Variants in RABGAP1L observed in about 807,000 individuals in gnomAD.
RABGAP1L encodes the protein RAB GTPase activating protein 1 like.
A neutral mutation model predicts 137.7 loss-of-function variants in RABGAP1L; 63 were observed. The ratio of observed to expected loss-of-function variants is 0.46; its 90% CI spans 0.37 to 0.56. The LOEUF (loss-of-function observed/expected upper bound fraction) is 0.56. RABGAP1L is among the 20% of genes least tolerant of loss of function. The pLI, the probability that RABGAP1L is intolerant of heterozygous loss-of-function variation, is 0.00. For synonymous variants in RABGAP1L, 431 were observed against 433.7 expected (o/e 0.99, Z 0.08); for missense variants, 1,095 against 1,244.0 (o/e 0.88, Z 1.80).
intron 14 of RABGAP1L, among the ~76,000 whole-genome samples, chr1:174,639,522 G>T (rs549841701): frequency 2.0e-5 from 3 of 152,152 alleles, no homozygotes; most frequent in South Asian, 2.1e-4. Flanking sequence ...ATTTAAGAGG[G>T]TCTGGTTTAT....
intron 13 of RABGAP1L, among the ~76,000 whole-genome samples, chr1:174,409,617 G>A (rs749907001): frequency 1.3e-5 from 2 of 152,164 alleles, no homozygotes; most frequent in Non-Finnish European, 2.9e-5. Flanking sequence ...AAATGGATGT[G>A]CAAGTAGGGA....
intron 13 of RABGAP1L, among the ~76,000 whole-genome samples, chr1:174,531,211 A>G (rs1448711469): frequency 1.5e-5 from 2 of 137,468 alleles, no homozygotes; most frequent in African/African-American, 6.5e-5. Flanking sequence ...CAGGTTAGTT[A>G]TAACACAGGA....
chr1:174,479,672 CT>C (rs1204167652), intron 13 of RABGAP1L, among the ~76,000 whole-genome samples: 5 of 152,132 alleles, frequency 3.3e-5, no homozygotes, highest in Non-Finnish European at 7.4e-5. Context: ...GCATGCTTTT[CT>C]TTTCTATTCC....
chr1:174,686,849 C>T (rs1678510801), intron 15 of RABGAP1L, among the ~76,000 whole-genome samples: 1 of 151,004 alleles, frequency 6.6e-6, no homozygotes, highest in Non-Finnish European at 1.5e-5. Flanking sequence ...TCAGTAGAGA[C>T]AGAGTTTCAC....
chr1:174,349,138 C>T (rs1682775939), intron 11 of RABGAP1L, among the ~76,000 whole-genome samples: 1 of 130,106 alleles, frequency 7.7e-6, no homozygotes, highest in Admixed American at 7.4e-5. Flanking sequence ...GGGCGGCTGG[C>T]CGGGCAGAGG....
chr1:174,773,408 A>T lies in RABGAP1L; in HGVS notation c.2211+21054A>T, dbSNP rs1686281095. 2.6e-5 allele frequency among the ~76,000 whole-genome samples: 4 copies of T among 152,132 alleles called. No individual in the cohort carries two copies. In the South Asian group the frequency reaches 8.3e-4, roughly 32 times the overall value. On this transcript the variant is annotated intron_variant, in intron 18 of 25. Coordinates refer to ENST00000681986, the MANE Select transcript of RABGAP1L (RefSeq NM_001366446.1). ...AAATAAAAGCCAGGTGGCTCTCACTAAAAATTCCATGCCTTTTTACGTTAT... is the reference window on the plus strand; with the variant it reads ...AAATAAAAGCCAGGTGGCTCTCACTTAAAATTCCATGCCTTTTTACGTTAT...
At chr1:174,966,653 C>T (rs1012749213) in intron 20 of RABGAP1L, among the ~76,000 whole-genome samples, 5 of 152,116 alleles carry the variant, frequency 3.3e-5, no homozygotes, top group African/African-American at 9.7e-5. Flanking sequence ...ATTTATTATG[C>T]TTCTGTGGGA....
intron 13 of RABGAP1L, among the ~76,000 whole-genome samples, chr1:174,604,643 A>G (rs1337856455): frequency 6.6e-6 from 1 of 152,152 alleles, no homozygotes; most frequent in Non-Finnish European, 1.5e-5. Flanking sequence ...TTCTCTCCAG[A>G]CACTTTTGTA....
chr1:174,453,924 T>C (rs1236525864), intron 13 of RABGAP1L, among the ~76,000 whole-genome samples: 4 of 152,176 alleles, frequency 2.6e-5, no homozygotes, highest in Non-Finnish European at 4.4e-5. Context: ...ACAATGAGCA[T>C]TGGTAAAAAT....
At chr1:174,675,034 AG>A (rs1677504930) in intron 14 of RABGAP1L, among the ~76,000 whole-genome samples, 1 of 151,856 alleles carries the variant, frequency 6.6e-6, no homozygotes, top group African/African-American at 2.4e-5. Flanking sequence ...CCCATTTTGT[AG>A]GTTGCCTGTT....
chr1:174,948,549 C>G (rs1444662084), intron 19 of RABGAP1L, among the ~76,000 whole-genome samples: 1 of 143,062 alleles, frequency 7.0e-6, no homozygotes, highest in East Asian at 2.0e-4. Context: ...TAACTGGATT[C>G]TTTGTAACAC....
chr1:174,886,582 A>G (rs1655183683), intron 19 of RABGAP1L, among the ~76,000 whole-genome samples: 1 of 152,192 alleles, frequency 6.6e-6, no homozygotes, highest in African/African-American at 2.4e-5. Context: ...GCTACATACT[A>G]ACTTAAACAT....
chr1:174,849,727 C>G (rs1381046627), intron 19 of RABGAP1L: 1 of 457,266 alleles, frequency 2.2e-6, no homozygotes, highest in Non-Finnish European at 4.4e-6. Context: ...GAATTCGCAT[C>G]TTTCTGTTCT....
chr1:174,522,780 AAG>A (rs1663536687), intron 13 of RABGAP1L, among the ~76,000 whole-genome samples: 1 of 152,286 alleles, frequency 6.6e-6, no homozygotes, highest in East Asian at 1.9e-4. Flanking sequence ...GAGCAGGAAC[AAG>A]AGAGAGAGGT....
chr1:174,394,200 C>T, intron 13 of RABGAP1L, 55 bp downstream of exon 13: 1 of 1,574,280 alleles, frequency 6.4e-7, no homozygotes, highest in Middle Eastern at 1.7e-4. Context: ...TAAATAAATC[C>T]TAGTTTTCAT....
chr1:174,290,182 G>A (rs376898905), intron 10 of RABGAP1L, among the ~76,000 whole-genome samples: 4 of 152,324 alleles, frequency 2.6e-5, no homozygotes, highest in South Asian at 4.1e-4. Context: ...GGTGGGAGGA[G>A]CTGCTGCCTG....
intron 13 of RABGAP1L, among the ~76,000 whole-genome samples, chr1:174,439,745 ACT>A (rs538845803): frequency 1.6e-4 from 25 of 151,896 alleles, no homozygotes; most frequent in Non-Finnish European, 3.5e-4. Context: ...CCTTTGATAG[ACT>A]CTTTTAGCTA....
At chr1:174,831,456 A>G (rs952137236) in intron 19 of RABGAP1L, among the ~76,000 whole-genome samples, 2 of 148,220 alleles carry the variant, frequency 1.3e-5, no homozygotes, top group Admixed American at 6.7e-5. Flanking sequence ...ACAACTGGCA[A>G]TTCTTTCTCT....
chr1:174,797,596 T>TGTGTGGGCGTGTAGTGTGGAGTGGGA (rs1234127461), intron 18 of RABGAP1L, among the ~76,000 whole-genome samples: 2 of 107,588 alleles, frequency 1.9e-5, no homozygotes. Context: ...TATGTGGTGG[T>TGTGTGGGCGTGTAGTGTGGAGTGGGA]GTGTGGGCGT....
Sources: allele counts gnomAD v4.1 joint callset (sites outside exome capture counted in the v4.1 genomes callset), GRCh38; gene constraint gnomAD v4.1.1; transcripts MANE v1.5; gene names NCBI Gene and HGNC (gene_info 2026-07-23, HGNC 2026-07-21).